Variants in MBD2 observed in about 807,000 individuals in gnomAD.
The protein encoded by MBD2 is methyl-CpG binding domain protein 2.
Under a neutral mutation model 39.3 loss-of-function variants are expected in MBD2, and 9 were observed. The ratio of observed to expected loss-of-function variants is 0.23; its 90% CI spans 0.14 to 0.40. The LOEUF is 0.40. MBD2 is among the 10% of genes least tolerant of loss of function. MBD2 has a pLI of 1.00. For synonymous variants in MBD2, 233 were observed against 211.1 expected (o/e 1.10, Z -0.90); for missense variants, 458 against 532.6 (o/e 0.86, Z 1.38).
At chr18:54,188,748 C>T in intron 3 of MBD2, 126 bp downstream of exon 3, 2 of 1,006,222 alleles carry the variant, frequency 2.0e-6, no homozygotes, top group Non-Finnish European at 2.9e-6. Flanking sequence ...ATGTAATAGC[C>T]TAGGACATAA....
intron 5 of MBD2, among the ~76,000 whole-genome samples, chr18:54,161,757 A>G (rs1196948188): frequency 6.6e-6 from 1 of 152,232 alleles, no homozygotes; most frequent in Non-Finnish European, 1.5e-5. Context: ...CCTCTTCCCC[A>G]AAACCACCCT....
At chr18:54,156,105 C>T (rs567829995) in intron 6 of MBD2, among the ~76,000 whole-genome samples, 8 of 152,282 alleles carry the variant, frequency 5.3e-5, no homozygotes, top group African/African-American at 1.4e-4. Context: ...ACATCTCACC[C>T]TTTGCCCAAC....
intron 1 of MBD2, 28 bp downstream of exon 1, chr18:54,223,983 ACCCCGCC>A: frequency 1.3e-6 from 1 of 745,314 alleles, no homozygotes; most frequent in Non-Finnish European, 2.2e-6. Context: ...CCCCGGCCTG[ACCCCGCC>A]ACCCCCTCCC....
At chr18:54,217,824 G>A (rs1483515833) in intron 1 of MBD2, among the ~76,000 whole-genome samples, 2 of 152,190 alleles carry the variant, frequency 1.3e-5, no homozygotes, top group African/African-American at 4.8e-5. Flanking sequence ...CAAGTATTGT[G>A]GGTGTTGCGG....
In MBD2 at chr18:54,168,796, C is replaced by G. The variant is rs74502993; in HGVS notation, c.841-2630G>C. Among the ~76,000 whole-genome samples, 26 of 151,804 alleles carry G rather than the reference C, an allele frequency of 1.7e-4. 1 individual carries two copies. The East Asian group carries it at 2.7e-3, about 16-fold the overall frequency. On this transcript the variant is annotated intron_variant, in intron 3 of 6. Transcript: ENST00000256429. Reference sequence around the variant, plus strand: ...CTCTCCAACCTTTCCAACACTCACTCAAAGCTAAGAAGCTCACCTAATTTC... The same window carrying G: ...CTCTCCAACCTTTCCAACACTCACTGAAAGCTAAGAAGCTCACCTAATTTC...
At chr18:54,184,328 C>T (rs547231727) in intron 3 of MBD2, among the ~76,000 whole-genome samples, 1 of 152,206 alleles carries the variant, frequency 6.6e-6, no homozygotes, top group African/African-American at 2.4e-5. Flanking sequence ...CCCCATTGTG[C>T]TCTGCGCATG....
intron 1 of MBD2, among the ~76,000 whole-genome samples, chr18:54,205,573 A>ATG (rs2086442768): frequency 2.7e-5 from 4 of 146,318 alleles, no homozygotes; most frequent in African/African-American, 1.0e-4. Flanking sequence ...CCTGGGCAAC[A>ATG]AGAGCAAAAC....
intron 2 of MBD2, among the ~76,000 whole-genome samples, chr18:54,196,190 T>C (rs914682322): frequency 3.9e-5 from 6 of 152,242 alleles, no homozygotes; most frequent in African/African-American, 1.4e-4. Context: ...GTACCCATGA[T>C]GTCTATGCAG....
intron 3 of MBD2, among the ~76,000 whole-genome samples, chr18:54,174,807 C>A (rs2086200393): frequency 6.6e-6 from 1 of 152,190 alleles, no homozygotes; most frequent in Non-Finnish European, 1.5e-5. Context: ...AGTGTCTGTA[C>A]AGAGAGATTT....
intron 3 of MBD2, among the ~76,000 whole-genome samples, chr18:54,171,096 G>T (rs1362622541): frequency 6.6e-6 from 1 of 151,890 alleles, no homozygotes; most frequent in African/African-American, 2.4e-5. Flanking sequence ...AGACTGGTTT[G>T]GTTTGTGTTG....
chr18:54,213,040 A>AT (rs1332253326), intron 1 of MBD2, among the ~76,000 whole-genome samples: 5 of 129,576 alleles, frequency 3.9e-5, no homozygotes, highest in Non-Finnish European at 8.0e-5. Context: ...TCAAAAAAAA[A>AT]AAAATTCCTT....
At chr18:54,205,305 C>T in intron 1 of MBD2, 148 bp from the exon 2 acceptor site, 1 of 735,840 alleles carries the variant, frequency 1.4e-6, no homozygotes, top group Non-Finnish European at 2.1e-6. Context: ...GGCGCGATGG[C>T]TCACGCCTAT....
chr18:54,176,015 T>C (rs1201699710), intron 3 of MBD2, among the ~76,000 whole-genome samples: 1 of 152,248 alleles, frequency 6.6e-6, no homozygotes, highest in Non-Finnish European at 1.5e-5. Flanking sequence ...TTAAAGTATA[T>C]GAGGACAACA....
intron 3 of MBD2, among the ~76,000 whole-genome samples, chr18:54,174,941 G>A (rs1299621586): frequency 3.9e-5 from 6 of 152,172 alleles, no homozygotes; most frequent in South Asian, 2.1e-4. Flanking sequence ...TTCAAATGTA[G>A]GTACAGCAGC....
chr18:54,185,792 T>C (rs1419106143), intron 3 of MBD2, among the ~76,000 whole-genome samples: 3 of 152,098 alleles, frequency 2.0e-5, no homozygotes, highest in Admixed American at 6.6e-5. Context: ...ACTGATGCTA[T>C]ATACAAAAAT....
intron 3 of MBD2, among the ~76,000 whole-genome samples, chr18:54,167,604 C>A (rs2086143650): frequency 6.6e-6 from 1 of 152,184 alleles, no homozygotes; most frequent in South Asian, 2.1e-4. Flanking sequence ...AGATAATTGT[C>A]CTCCAGACAA....
chr18:54,212,061 T>C (rs768292745), intron 1 of MBD2, among the ~76,000 whole-genome samples: 1 of 152,216 alleles, frequency 6.6e-6, no homozygotes, highest in Non-Finnish European at 1.5e-5. Context: ...TTTCACTATG[T>C]TGGTCCTATG....
intron 1 of MBD2, among the ~76,000 whole-genome samples, chr18:54,214,728 ATTCTT>A (rs2086541568): frequency 1.7e-5 from 1 of 58,318 alleles, no homozygotes; most frequent in Non-Finnish European, 3.5e-5. Flanking sequence ...ACGAGGTAGA[ATTCTT>A]TTAGAATTCT....
chr18:54,159,618 C>T, intron 6 of MBD2, 147 bp downstream of exon 6: 1 of 751,780 alleles, frequency 1.3e-6, no homozygotes, highest in Non-Finnish European at 2.1e-6. Flanking sequence ...GGGGTTTTGC[C>T]ATGTTGCTCA....
Sources: allele counts gnomAD v4.1 joint callset (sites outside exome capture counted in the v4.1 genomes callset), GRCh38; gene constraint gnomAD v4.1.1; transcripts MANE v1.5; gene names NCBI Gene and HGNC (gene_info 2026-07-23, HGNC 2026-07-21).